Variants in XKR4 observed in about 807,000 individuals in gnomAD.
The protein encoded by XKR4 is XK related 4.
Under a neutral mutation model 53.9 loss-of-function variants are expected in XKR4, and 12 were observed. That is an observed-to-expected ratio of 0.22 (90% CI 0.14 to 0.36). The LOEUF (loss-of-function observed/expected upper bound fraction) is 0.36, where lower values mean the gene tolerates loss of function less well. Among genes scored for constraint, XKR4 ranks in the 10% least tolerant of loss-of-function variants. XKR4 has a pLI of 1.00. For missense variants in XKR4, 799 were observed against 859.5 expected (o/e 0.93, Z 0.88); for synonymous variants, 354 against 362.4 (o/e 0.98, Z 0.26).
intron 2 of XKR4, among the ~76,000 whole-genome samples, chr8:55,384,602 C>T (rs767850449): frequency 1.5e-4 from 23 of 152,328 alleles, no homozygotes; most frequent in Non-Finnish European, 3.1e-4. Flanking sequence ...GAATCATTGG[C>T]TAGAATCACT....
intron 1 of XKR4, among the ~76,000 whole-genome samples, chr8:55,240,927 T>C (rs1442281649): frequency 6.6e-6 from 1 of 152,202 alleles, no homozygotes; most frequent in Non-Finnish European, 1.5e-5. Context: ...AGGTAAGGTA[T>C]TCTGGAAACC....
At chr8:55,136,964 A>C (rs1188193132) in intron 1 of XKR4, among the ~76,000 whole-genome samples, 1 of 152,242 alleles carries the variant, frequency 6.6e-6, no homozygotes, top group Non-Finnish European at 1.5e-5. Flanking sequence ...ATTACAATAT[A>C]GCATGAATAA....
chr8:55,415,731 T>C (rs1325629727), intron 2 of XKR4, among the ~76,000 whole-genome samples: 3 of 152,204 alleles, frequency 2.0e-5, no homozygotes, highest in Non-Finnish European at 2.9e-5. Context: ...AGGGTGATTA[T>C]AGGGTGAAAA....
chr8:55,502,267 T>C (rs1806456103), intron 2 of XKR4, among the ~76,000 whole-genome samples: 1 of 152,256 alleles, frequency 6.6e-6, no homozygotes. Context: ...GTGGTAATTC[T>C]ATGTTTAATT....
intron 2 of XKR4, among the ~76,000 whole-genome samples, chr8:55,498,246 C>T (rs12547532): frequency 0.053 from 8,039 of 152,316 alleles, 604 homozygotes; most frequent in East Asian, 0.28. Flanking sequence ...ACCTGTCTAA[C>T]TGGACTAACC....
chr8:55,499,621 TG>T (rs1460774186), intron 2 of XKR4, among the ~76,000 whole-genome samples: 1 of 152,220 alleles, frequency 6.6e-6, no homozygotes, highest in East Asian at 1.9e-4. Flanking sequence ...AGATGGCCCC[TG>T]GGACTGATCA....
chr8:55,490,388 C>T (rs1806254130), intron 2 of XKR4, among the ~76,000 whole-genome samples: 1 of 152,010 alleles, frequency 6.6e-6, no homozygotes, highest in African/African-American at 2.4e-5. Context: ...ACAATGGGTG[C>T]TCATGGACAT....
chr8:55,329,613 T>C (rs1803353748), intron 1 of XKR4, among the ~76,000 whole-genome samples: 1 of 152,228 alleles, frequency 6.6e-6, no homozygotes. Context: ...AGATTCTAAA[T>C]ACCTAGTTCT....
At chr8:55,138,437 G>T (rs776143264) in intron 1 of XKR4, among the ~76,000 whole-genome samples, 4 of 152,102 alleles carry the variant, frequency 2.6e-5, no homozygotes, top group Non-Finnish European at 5.9e-5. Context: ...CAGCTCACAG[G>T]AAAGTATTTA....
intron 2 of XKR4, among the ~76,000 whole-genome samples, chr8:55,395,765 A>G (rs767303120): frequency 6.6e-6 from 1 of 152,234 alleles, no homozygotes; most frequent in Non-Finnish European, 1.5e-5. Flanking sequence ...AAGCTGAGCC[A>G]TCATCCAGGA....
intron 2 of XKR4, among the ~76,000 whole-genome samples, chr8:55,393,439 GAAGGAAGGAAGGAAGGAAGA>G (rs1011789349): frequency 1.5e-5 from 2 of 133,962 alleles, no homozygotes; most frequent in African/African-American, 7.2e-5. Context: ...AGGAAGGAAG[GAAGGAAGGAAGGAAGGAAGA>G]AAGGAAGGAA....
intron 2 of XKR4, among the ~76,000 whole-genome samples, chr8:55,388,468 A>T (rs758352594): frequency 1.6e-5 from 2 of 127,030 alleles, no homozygotes; most frequent in Non-Finnish European, 3.3e-5. Context: ...ACAGTTCCAG[A>T]GGCTGGGAAG....
At position 55,489,678 on chromosome 8, in the gene XKR4, G is replaced by A. The variant is rs2135545; in HGVS notation, c.1007-33603G>A. Among the ~76,000 whole-genome samples the A allele has an allele frequency of 2.0e-3, 307 of 150,842 alleles. 3 individuals carry two copies. Among genetic ancestry groups the A allele is most frequent in the African/African-American group, 6.7e-3 (273 of 41,036 alleles). On this transcript the variant is annotated intron_variant, in intron 2 of 2. Coordinates refer to ENST00000327381, the MANE Select transcript of XKR4 (RefSeq NM_052898.2). ...TAATATATTTATGTTTAAGTATCTC[G>A]TAAGTAAAATGAATTATTTAAACAT...
In XKR4 at chr8:55,341,583, T is replaced by C. The variant is rs567995158; in HGVS notation, c.807-16095T>C. Among the ~76,000 whole-genome samples, 5 of 152,332 alleles carry C rather than the reference T, an allele frequency of 3.3e-5. No individual in the cohort carries two copies. In the South Asian group the frequency reaches 1.0e-3, roughly 32 times the overall value. Reference sequence around the variant, plus strand: ...TGCAATGAAGAACTTTCTGAAGACATCTGTGTCATTTCCACCAGCACACCC... The same window carrying C: ...TGCAATGAAGAACTTTCTGAAGACACCTGTGTCATTTCCACCAGCACACCC... On this transcript the variant is annotated intron_variant, in intron 1 of 2. Transcript: ENST00000327381.
rs1042518800 is a variant in XKR4 at position 55,244,964 on chromosome 8, C to G, written c.807-112714C>G. Among the ~76,000 whole-genome samples, 7 of 147,786 alleles carry G rather than the reference C, an allele frequency of 4.7e-5. No homozygotes were observed. The East Asian group carries it at 1.2e-3, about 25-fold the overall frequency. On this transcript the variant is annotated intron_variant, in intron 1 of 2. Transcript: ENST00000327381. ...TCGCCTGGGCTGGAGTGTAATAGCG[C>G]GATCTTGGCTCACTGCAATCTCTGC... is the stretch of plus-strand genomic sequence containing the variant.
Position 55,102,784 on chromosome 8 carries a change from G to C in XKR4, c.296G>C (p.Arg99Pro), listed in dbSNP as rs1281366918. 5.0e-6 allele frequency: 8 copies of C among 1,584,264 alleles called. No homozygotes were observed. In the South Asian group the frequency reaches 7.9e-5, roughly 16 times the overall value. ...GCGGGCTCGGCTGCGCTGTGCCTGC[G>C]CCTGGGCAGGGAGCAGCGGCGCTAC... ...GGAGSAALCL[R>P]LGREQRRYSL... Residue 99 changes from arginine to proline, a missense_variant, in exon 1 of 3, where the codon CGC becomes CCC. By Grantham distance (103) the Arg-to-Pro change is moderately radical (BLOSUM62 -2). This residue lies in a region of XKR4 where 476 missense variants were observed against 505.4 expected (regional missense o/e 0.94). Coordinates refer to ENST00000327381, the MANE Select transcript of XKR4 (RefSeq NM_052898.2). This position sits in a 1 kb window ranked among gnomAD's most constrained non-coding sequence, Gnocchi z 5.1.
At chr8:55,185,229 A>C (rs1375394973) in intron 1 of XKR4, among the ~76,000 whole-genome samples, 1 of 152,252 alleles carries the variant, frequency 6.6e-6, no homozygotes, top group Non-Finnish European at 1.5e-5. Flanking sequence ...ATTTCAAATC[A>C]AAGTTCATCT....
intron 2 of XKR4, among the ~76,000 whole-genome samples, chr8:55,379,248 G>A (rs1804197773): frequency 6.6e-6 from 1 of 152,148 alleles, no homozygotes; most frequent in Non-Finnish European, 1.5e-5. Context: ...ATGCACTCAA[G>A]AGGCATGTCA....
intron 1 of XKR4, among the ~76,000 whole-genome samples, chr8:55,257,291 A>G (rs1295385371): frequency 6.6e-6 from 1 of 152,240 alleles, no homozygotes; most frequent in Non-Finnish European, 1.5e-5. Context: ...CAGGGCATCA[A>G]GTGAGTTCAT....
Sources: allele counts gnomAD v4.1 joint callset (sites outside exome capture counted in the v4.1 genomes callset), GRCh38; gene constraint gnomAD v4.1.1; regional missense constraint gnomAD v4.1.1; non-coding constraint Gnocchi (gnomAD v3.1); transcripts MANE v1.5; gene names NCBI Gene and HGNC (gene_info 2026-07-23, HGNC 2026-07-21).